The following TCF4 variants were observed in gnomAD, a reference collection of about 807,000 sequenced individuals.
TCF4 encodes the protein transcription factor 4, also known as SL3-3 enhancer factor 2.
Under a neutral mutation model 82.1 loss-of-function variants are expected in TCF4, and 3 were observed. The ratio of observed to expected loss-of-function variants is 0.04; its 90% confidence interval spans 0.02 to 0.09. The LOEUF (loss-of-function observed/expected upper bound fraction) is 0.09, where lower values mean the gene tolerates loss of function less well. TCF4 is among the 10% of genes least tolerant of loss of function. The pLI, the probability that TCF4 is intolerant of heterozygous loss-of-function variation, is 1.00. For missense variants in TCF4, 518 were observed against 852.7 expected, an observed-to-expected ratio of 0.61 and a Z score of 4.89; for synonymous variants, 276 against 309.6, an observed-to-expected ratio of 0.89 and a Z score of 1.14.
Position 55,563,170 on chromosome 18 carries a change from T to C in TCF4, c.145+22110A>G, listed in dbSNP as rs185518890. On this transcript the variant is annotated intron_variant, in intron 3 of 19. Transcript: ENST00000354452. ...GGGAGGATCACCTGAGACCAGGAGA[T>C]TGAGGCCTCAGTGAGCCGTGATCAC... Among the ~76,000 whole-genome samples, 11 of 150,818 alleles carry C rather than the reference T, an allele frequency of 7.3e-5. No individual in the cohort carries two copies. The East Asian group carries it at 2.1e-3, about 29-fold the overall frequency.
intron 3 of TCF4, among the ~76,000 whole-genome samples, chr18:55,560,416 C>T (rs895750222): frequency 1.3e-5 from 2 of 152,174 alleles, no homozygotes; most frequent in African/African-American, 4.8e-5. Context: ...GTGCTGTCAT[C>T]AGAAGAGTTA....
chr18:55,611,772 A>G (rs2097707243), intron 2 of TCF4, among the ~76,000 whole-genome samples: 1 of 152,098 alleles, frequency 6.6e-6, no homozygotes. Context: ...ATTTTTATTT[A>G]TTTATTTATT....
chr18:55,379,358 A>C (rs2091470019), intron 6 of TCF4, among the ~76,000 whole-genome samples: 1 of 152,232 alleles, frequency 6.6e-6, no homozygotes, highest in South Asian at 2.1e-4. Context: ...TGCACAGATG[A>C]ATAAGAAATA....
chr18:55,389,695 A>G (rs2092915384), intron 6 of TCF4, among the ~76,000 whole-genome samples: 2 of 152,172 alleles, frequency 1.3e-5, no homozygotes, highest in Admixed American at 1.3e-4. Context: ...AACAGGGGCC[A>G]GGATACCACC....
intron 5 of TCF4, among the ~76,000 whole-genome samples, chr18:55,456,989 C>T (rs536650304): frequency 6.6e-6 from 1 of 152,272 alleles, no homozygotes; most frequent in Non-Finnish European, 1.5e-5. Flanking sequence ...AGATATAAAA[C>T]AATGCATGGA....
chr18:55,237,517 T>A (rs1447648820), intron 15 of TCF4, among the ~76,000 whole-genome samples: 1 of 148,774 alleles, frequency 6.7e-6, no homozygotes, highest in African/African-American at 2.5e-5. Flanking sequence ...TCACCCAGGC[T>A]GGAGTGCAGG....
At chr18:55,602,082 A>T (rs2097697688) in intron 2 of TCF4, among the ~76,000 whole-genome samples, 1 of 152,202 alleles carries the variant, frequency 6.6e-6, no homozygotes, top group Non-Finnish European at 1.5e-5. Flanking sequence ...ATGCCTACAA[A>T]ATATAGAAAA....
intron 6 of TCF4, among the ~76,000 whole-genome samples, chr18:55,356,186 T>G (rs955086112): frequency 1.3e-5 from 2 of 152,170 alleles, no homozygotes; most frequent in Non-Finnish European, 2.9e-5. Flanking sequence ...ATCCACTGAT[T>G]ATTATTGAAA....
chr18:55,267,125 A>C (rs1448228803), intron 11 of TCF4: 2 of 152,192 alleles, frequency 1.3e-5, no homozygotes, highest in African/African-American at 4.8e-5. Context: ...TTAGTGCTCG[A>C]ACCCCATTCT....
intron 3 of TCF4, among the ~76,000 whole-genome samples, chr18:55,533,941 C>T (rs2097092900): frequency 6.6e-6 from 1 of 152,124 alleles, no homozygotes; most frequent in Admixed American, 6.5e-5. Flanking sequence ...GTTAAGTATC[C>T]CTTATCTCAA....
At chr18:55,430,291 G>A (rs1230296117) in intron 5 of TCF4, among the ~76,000 whole-genome samples, 1 of 152,174 alleles carries the variant, frequency 6.6e-6, no homozygotes, top group Non-Finnish European at 1.5e-5. Flanking sequence ...TTTGTAACAG[G>A]AAAGGACCCT....
chr18:55,418,343 T>A (rs1466450109), intron 5 of TCF4, among the ~76,000 whole-genome samples: 1 of 152,118 alleles, frequency 6.6e-6, no homozygotes, highest in Non-Finnish European at 1.5e-5. Flanking sequence ...TATGAACACA[T>A]TTTTTTCTGG....
intron 17 of TCF4, chr18:55,231,414 T>C (rs2047876714): frequency 6.6e-6 from 1 of 152,150 alleles, no homozygotes; most frequent in Non-Finnish European, 1.5e-5. Flanking sequence ...TATAATACAG[T>C]TTTGGAGGCA....
Position 55,261,438 on chromosome 18 carries a change from A to G in TCF4, c.990+28T>C, listed in dbSNP as rs200796900. 854 of 1,612,494 alleles carry G rather than the reference A, an allele frequency of 5.3e-4. 1 individual carries two copies. Among genetic ancestry groups the G allele is most frequent in the Non-Finnish European group, 7.0e-4 (824 of 1,178,554 alleles). ...AAGTTCACCCTTTACAATGGTACAT[A>G]TGGAGTCCAAAGTCAATATTTCCTC... is the stretch of plus-strand genomic sequence containing the variant. On this transcript the variant is annotated intron_variant, in intron 12 of 19. Coordinates refer to ENST00000354452, the MANE Select transcript of TCF4 (RefSeq NM_001083962.2).
chr18:55,267,201 GCTATGTGTTCC>G (rs1261642230), intron 11 of TCF4: 1 of 152,060 alleles, frequency 6.6e-6, no homozygotes, highest in Non-Finnish European at 1.5e-5. Flanking sequence ...CATGTGTCAG[GCTATGTGTTCC>G]CTATTTGCCA....
rs945101301 is a variant in TCF4 at position 55,403,783 on chromosome 18, C to A, written c.305-265G>T. 40 of 1,524,308 alleles carry A rather than the reference C, an allele frequency of 2.6e-5. No homozygotes were observed. In the East Asian group the frequency reaches 9.3e-4, roughly 36 times the overall value. 94.4% of individuals were successfully genotyped at this position (1,524,308 alleles called of 1,614,324 possible). A position where few individuals can be genotyped will look rare whatever the true frequency, so the allele number is the denominator to read the frequency against. The stretch of plus-strand genomic sequence containing the variant: ...TTCCAATGGCCTCCACTTTCTCTAA[C>A]AAACAAATCGTAACTCCTTATTTTC... On this transcript the variant is annotated intron_variant, in intron 5 of 19. Coordinates refer to ENST00000354452, the MANE Select transcript of TCF4 (RefSeq NM_001083962.2).
intron 8 of TCF4, among the ~76,000 whole-genome samples, chr18:55,300,548 G>A (rs980031068): frequency 1.2e-4 from 18 of 151,952 alleles, no homozygotes; most frequent in South Asian, 8.3e-4. Flanking sequence ...TCACCCCTGC[G>A]TTCATTCTAT....
chr18:55,631,288 A>G, intron 2 of TCF4: 4 of 1,294,000 alleles, frequency 3.1e-6, no homozygotes, highest in Non-Finnish European at 4.4e-6. Context: ...ACCTCAGGTG[A>G]TCCACCTACC....
chr18:55,368,749 A>C (rs1001312159), intron 6 of TCF4, among the ~76,000 whole-genome samples: 2 of 152,324 alleles, frequency 1.3e-5, no homozygotes, highest in African/African-American at 4.8e-5. Flanking sequence ...AAAAAGAGGG[A>C]GACTGGCCAT....
Sources: gnomAD v4.1 joint callset for allele counts (sites outside exome capture counted in the v4.1 genomes callset) on GRCh38, gnomAD v4.1.1 for gene constraint, MANE v1.5 for transcripts, NCBI Gene and HGNC (gene_info 2026-07-23, HGNC 2026-07-21) for gene names.